RASEF: variants seen among roughly 807,000 people sequenced by gnomAD.
RASEF encodes ras and EF-hand domain-containing protein.
Under a neutral mutation model 90.1 loss-of-function variants are expected in RASEF, and 68 were observed. The ratio of observed to expected loss-of-function variants is 0.75; its 90% confidence interval spans 0.62 to 0.92. RASEF has a LOEUF of 0.92. Ranked by LOEUF, RASEF falls within the 40% of genes least tolerant of loss-of-function variation. The probability of loss-of-function intolerance (pLI) is 0.00; values close to 1 mark genes in which losing one functional copy is unlikely to be tolerated. For missense variants in RASEF, 949 were observed against 937.2 expected (o/e 1.01, Z -0.16); for synonymous variants, 331 against 345.2 (o/e 0.96, Z 0.46).
At chr9:83,114,429 T>C in the RASEF span, among the ~76,000 whole-genome samples, 7 of 152,144 alleles carry the variant, frequency 4.6e-5, no homozygotes, top group African/African-American at 1.7e-4. Context: ...CAATATGAAA[T>C]CTGGGCACCT....
intron 6 of RASEF, among the ~76,000 whole-genome samples, chr9:83,008,952 T>C (rs1416463801): frequency 8.9e-6 from 1 of 112,420 alleles, no homozygotes; most frequent in Non-Finnish European, 1.9e-5. Flanking sequence ...GGCTCTGTGT[T>C]TTGAGATTAT....
the RASEF span, among the ~76,000 whole-genome samples, chr9:83,117,429 C>T: frequency 6.6e-6 from 1 of 152,182 alleles, no homozygotes; most frequent in Admixed American, 6.5e-5. Context: ...ATCTTTCAAC[C>T]TCAGGATCAT....
chr9:83,202,554 C>T, the RASEF span, among the ~76,000 whole-genome samples: 3 of 152,130 alleles, frequency 2.0e-5, no homozygotes, highest in African/African-American at 4.8e-5. Context: ...CAGCTCACTG[C>T]AGATTCAGCC....
At chr9:83,100,307 T>G in the RASEF span, among the ~76,000 whole-genome samples, 51 of 152,294 alleles carry the variant, frequency 3.3e-4, no homozygotes, top group African/African-American at 1.2e-3. Flanking sequence ...TCAGAGAGCA[T>G]TCAAGGCAAG....
chr9:83,159,548 C>T, the RASEF span, among the ~76,000 whole-genome samples: 1 of 152,096 alleles, frequency 6.6e-6, no homozygotes, highest in African/African-American at 2.4e-5. Context: ...CAATATTTAG[C>T]TTTGAAATTT....
intron 14 of RASEF, among the ~76,000 whole-genome samples, chr9:82,993,534 T>A (rs1245645179): frequency 6.6e-6 from 1 of 152,322 alleles, no homozygotes; most frequent in Admixed American, 6.5e-5. Flanking sequence ...ATTACAGTTA[T>A]AAAACACACA....
At chr9:83,180,712 T>C in the RASEF span, among the ~76,000 whole-genome samples, 1 of 151,980 alleles carries the variant, frequency 6.6e-6, no homozygotes, top group African/African-American at 2.4e-5. Flanking sequence ...TAAGGGGAAA[T>C]GTTGCTTTGA....
the RASEF span, among the ~76,000 whole-genome samples, chr9:83,105,621 T>C: frequency 3.3e-5 from 5 of 152,174 alleles, no homozygotes; most frequent in African/African-American, 1.2e-4. Flanking sequence ...TAAGACAAAA[T>C]TGTTGCATTT....
the RASEF span, among the ~76,000 whole-genome samples, chr9:83,146,262 G>T: frequency 2.6e-5 from 4 of 151,754 alleles, no homozygotes; most frequent in Non-Finnish European, 4.4e-5. Context: ...ACTTGAAAAA[G>T]GGAAATATAA....
At chr9:83,024,996 T>C (rs1829517439) in intron 2 of RASEF, among the ~76,000 whole-genome samples, 2 of 152,154 alleles carry the variant, frequency 1.3e-5, no homozygotes, top group African/African-American at 4.8e-5. Context: ...ACACAAGAAC[T>C]GTGACAAGCA....
upstream of RASEF, among the ~76,000 whole-genome samples, chr9:83,066,088 C>G (rs1388106591): frequency 6.6e-6 from 1 of 152,228 alleles, no homozygotes; most frequent in East Asian, 1.9e-4. Context: ...CCACAGCCCT[C>G]TGTAATTTGC....
chr9:83,097,260 A>G, the RASEF span, among the ~76,000 whole-genome samples: 11 of 152,014 alleles, frequency 7.2e-5, no homozygotes, highest in East Asian at 9.7e-4. Flanking sequence ...CAGTGTAAAA[A>G]TGTTCCTATT....
rs1165439823 is a variant in RASEF, at chr9:83,012,433, CCATTGATAAATCATAAA to C, written c.827_843del (p.Ile276ArgfsTer6). 6.6e-7 allele frequency: 1 copy of C among 1,514,284 alleles called. No individual in the cohort carries two copies. The highest frequency in any genetic ancestry group is 9.0e-7 in the Non-Finnish European group (1 of 1,107,352). 93.8% of individuals were successfully genotyped at this position (1,514,284 alleles called of 1,614,324 possible). ...TCTGTAAGTGAAAAGGTAATTCTTA[CCATTGATAAATCATAAA>C]TTTGTTTTTTCAATGCAGCCACATC... is the stretch of plus-strand genomic sequence containing the variant. On this transcript the variant is annotated frameshift_variant and splice_region_variant, in exon 5 of 17. Coordinates refer to ENST00000376447, the MANE Select transcript of RASEF (RefSeq NM_152573.4). LOFTEE classifies it high-confidence loss of function.
the RASEF span, among the ~76,000 whole-genome samples, chr9:83,189,924 T>C: frequency 5.3e-5 from 8 of 152,162 alleles, no homozygotes; most frequent in Non-Finnish European, 8.8e-5. Context: ...CAATACAACG[T>C]TTAAAACTTC....
chr9:83,196,563 T>A, the RASEF span, among the ~76,000 whole-genome samples: 81,715 of 151,846 alleles, frequency 0.54, 23,811 homozygotes, highest in East Asian at 0.78. Flanking sequence ...GCTTGCTGAA[T>A]CTCCTGCTGT....
the RASEF span, among the ~76,000 whole-genome samples, chr9:83,141,832 C>T: frequency 6.6e-6 from 1 of 152,124 alleles, no homozygotes; most frequent in South Asian, 2.1e-4. Context: ...CTGGCTTGGG[C>T]TTGCATAGAG....
chr9:82,994,762 A>C (rs942185407), intron 14 of RASEF, among the ~76,000 whole-genome samples: 3 of 152,236 alleles, frequency 2.0e-5, no homozygotes, highest in Non-Finnish European at 4.4e-5. Context: ...CAGATAAACA[A>C]ATGGCTATAA....
chr9:82,983,759 C>A (rs1441809887), intron 16 of RASEF, among the ~76,000 whole-genome samples: 3 of 152,222 alleles, frequency 2.0e-5, no homozygotes, highest in Admixed American at 1.3e-4. Flanking sequence ...ATCTCTACCC[C>A]CTTTGAAGTC....
intron 1 of RASEF, among the ~76,000 whole-genome samples, chr9:83,056,304 C>CA (rs774529653): frequency 2.0e-5 from 3 of 152,186 alleles, no homozygotes; most frequent in Non-Finnish European, 4.4e-5. Context: ...CTCTGGGAGA[C>CA]AGACAAGTGT....
Sources: allele counts gnomAD v4.1 joint callset (sites outside exome capture counted in the v4.1 genomes callset), GRCh38; gene constraint gnomAD v4.1.1; transcripts MANE v1.5; gene names NCBI Gene and HGNC (gene_info 2026-07-23, HGNC 2026-07-21).